DPYD: variants seen among roughly 807,000 people sequenced by gnomAD.
DPYD encodes the protein dihydropyrimidine dehydrogenase [NADP(+)].
Under a neutral mutation model 116.2 loss-of-function variants are expected in DPYD, and 109 were observed. That is an observed-to-expected ratio of 0.94 (90% CI 0.80 to 1.10). The LOEUF is 1.10. Ranked by LOEUF, DPYD falls within the 50% of genes least tolerant of loss-of-function variation. The probability of loss-of-function intolerance (pLI) is 0.00; values close to 1 mark genes in which losing one functional copy is unlikely to be tolerated. For synonymous variants in DPYD, 440 were observed against 432.0 expected (o/e 1.02, Z -0.23); for missense variants, 1,302 against 1,254.5 (o/e 1.04, Z -0.57).
intron 6 of DPYD, among the ~76,000 whole-genome samples, chr1:97,698,449 C>T (rs1208319133): frequency 6.6e-6 from 1 of 151,716 alleles, no homozygotes; most frequent in Non-Finnish European, 1.5e-5. Flanking sequence ...TGCCAAAAAA[C>T]ATAAGAAACT....
In DPYD at chr1:97,377,057, C is replaced by T. The variant is rs186834068; in HGVS notation, c.1975-3413G>A. Among the ~76,000 whole-genome samples, 338 of 150,342 alleles carry T rather than the reference C, an allele frequency of 2.2e-3. 1 individual carries two copies. Among genetic ancestry groups the T allele is most frequent in the Non-Finnish European group, 3.8e-3 (255 of 67,582 alleles). On this transcript the variant is annotated intron_variant, in intron 15 of 22. Coordinates refer to ENST00000370192, the MANE Select transcript of DPYD (RefSeq NM_000110.4). Reference sequence around the variant, plus strand: ...CATCAAGTCAGAGAAGCTAGAACTCCAAAAAATATTAAAAATTAAAAATAA... The same window carrying T: ...CATCAAGTCAGAGAAGCTAGAACTCTAAAAAATATTAAAAATTAAAAATAA...
At chr1:97,125,711 A>G (rs556507220) in intron 20 of DPYD, among the ~76,000 whole-genome samples, 1 of 152,186 alleles carries the variant, frequency 6.6e-6, no homozygotes, top group East Asian at 1.9e-4. Flanking sequence ...TGCCTTCATA[A>G]AAAAGATCTT....
chr1:97,871,590 A>C (rs771158285), intron 2 of DPYD, among the ~76,000 whole-genome samples: 1 of 108,616 alleles, frequency 9.2e-6, no homozygotes, highest in Admixed American at 1.0e-4. Context: ...AAATACAGGC[A>C]AAAAAAAAAA....
At chr1:97,836,065 C>T (rs1028815929) in intron 2 of DPYD, among the ~76,000 whole-genome samples, 1 of 152,128 alleles carries the variant, frequency 6.6e-6, no homozygotes, top group Non-Finnish European at 1.5e-5. Flanking sequence ...AAACTTAAAA[C>T]AATCCCTTGT....
intron 20 of DPYD, among the ~76,000 whole-genome samples, chr1:97,160,683 A>G (rs1198157403): frequency 1.3e-5 from 2 of 152,160 alleles, no homozygotes; most frequent in Admixed American, 6.6e-5. Context: ...AGAACAGGAC[A>G]GCCTTACACA....
At chr1:97,881,618 A>T (rs1487403970) in intron 2 of DPYD, among the ~76,000 whole-genome samples, 1 of 152,038 alleles carries the variant, frequency 6.6e-6, no homozygotes, top group Non-Finnish European at 1.5e-5. Flanking sequence ...GGATCACATT[A>T]TGAGATACAA....
At chr1:97,632,839 G>A (rs1241365934) in intron 8 of DPYD, among the ~76,000 whole-genome samples, 2 of 152,040 alleles carry the variant, frequency 1.3e-5, no homozygotes, top group Non-Finnish European at 2.9e-5. Flanking sequence ...TTTTTTAAAA[G>A]ACGAAAATTA....
chr1:97,252,577 G>A (rs1028300811), intron 18 of DPYD, among the ~76,000 whole-genome samples: 1 of 152,092 alleles, frequency 6.6e-6, no homozygotes, highest in African/African-American at 2.4e-5. Flanking sequence ...GTTAAATCTA[G>A]TTACAGAGGC....
Position 97,190,280 on chromosome 1 carries a change from G to C in DPYD, c.2622+2789C>G, listed in dbSNP as rs80051663. Among the ~76,000 whole-genome samples, 32 of 152,228 alleles carry C rather than the reference G, an allele frequency of 2.1e-4. No individual in the cohort carries two copies. In the East Asian group the frequency reaches 4.2e-3, roughly 20 times the overall value. ...TTGTTTACTTTCTCCATCAAGAGAA[G>C]CTTGTGTTCTGCTCATTGCTGACTT... On this transcript the variant is annotated intron_variant, in intron 20 of 22. Coordinates refer to ENST00000370192, the MANE Select transcript of DPYD (RefSeq NM_000110.4).
chr1:97,484,245 A>G (rs1259286052), intron 13 of DPYD, among the ~76,000 whole-genome samples: 1 of 152,210 alleles, frequency 6.6e-6, no homozygotes, highest in Admixed American at 6.5e-5. Flanking sequence ...TGGAGGTTGC[A>G]GTGAGCGGAG....
intron 16 of DPYD, among the ~76,000 whole-genome samples, chr1:97,341,450 A>T (rs1036141736): frequency 2.0e-5 from 3 of 152,312 alleles, no homozygotes; most frequent in African/African-American, 7.2e-5. Context: ...AATTTAAGGA[A>T]CAGATCTCCT....
chr1:97,763,414 C>G (rs1665683655), intron 3 of DPYD, among the ~76,000 whole-genome samples: 1 of 151,832 alleles, frequency 6.6e-6, no homozygotes, highest in African/African-American at 2.4e-5. Flanking sequence ...TTGTTACCTT[C>G]TCTTCCTCTT....
chr1:97,266,760 A>G (rs1664262746), intron 18 of DPYD, among the ~76,000 whole-genome samples: 1 of 151,812 alleles, frequency 6.6e-6, no homozygotes, highest in African/African-American at 2.4e-5. Flanking sequence ...ATTCCTACCT[A>G]TGAGTGAGAA....
intron 8 of DPYD, among the ~76,000 whole-genome samples, chr1:97,677,997 G>A (rs745479647): frequency 7.9e-5 from 12 of 152,146 alleles, no homozygotes; most frequent in Non-Finnish European, 1.5e-4. Context: ...AGGACGATGA[G>A]TTTATATTAA....
At chr1:97,585,817 A>C (rs1654052263) in intron 10 of DPYD, 1 of 152,302 alleles carries the variant, frequency 6.6e-6, no homozygotes, top group African/African-American at 2.4e-5. Flanking sequence ...GAAGTAGAGC[A>C]TACAGATCTC....
chr1:97,318,212 T>A (rs1027443675), intron 16 of DPYD, among the ~76,000 whole-genome samples: 1 of 143,848 alleles, frequency 7.0e-6, no homozygotes, highest in Admixed American at 7.2e-5. Context: ...AATGACAGGA[T>A]CAAATTCACA....
At position 97,484,794 on chromosome 1, in the gene DPYD, T is replaced by G. The variant is rs374178880; in HGVS notation, c.1740+30932A>C. 1.2e-3 allele frequency among the ~76,000 whole-genome samples: 188 copies of G among 152,344 alleles called. 4 individuals carry two copies. The South Asian group carries it at 0.037, about 30-fold the overall frequency. On this transcript the variant is annotated intron_variant, in intron 13 of 22. Transcript: ENST00000370192. The stretch of plus-strand genomic sequence containing the variant: ...CAGTTTTAACTTCCAATATTTCTTC[T>G]TTGATTTGTCAATTGTAATAGCATT...
At chr1:97,198,033 A>G (rs1658934662) in intron 19 of DPYD, among the ~76,000 whole-genome samples, 1 of 152,202 alleles carries the variant, frequency 6.6e-6, no homozygotes, top group South Asian at 2.1e-4. Flanking sequence ...TTTTCCTGAT[A>G]GAATTTTTGA....
At chr1:97,858,063 A>C (rs1466384674) in intron 2 of DPYD, among the ~76,000 whole-genome samples, 1 of 152,040 alleles carries the variant, frequency 6.6e-6, no homozygotes, top group African/African-American at 2.4e-5. Flanking sequence ...ATCCTCTTCC[A>C]ATGAGTCTGT....
Sources: allele counts gnomAD v4.1 joint callset (sites outside exome capture counted in the v4.1 genomes callset), GRCh38; gene constraint gnomAD v4.1.1; transcripts MANE v1.5; gene names NCBI Gene and HGNC (gene_info 2026-07-23, HGNC 2026-07-21).